Variants in SARS2 observed in about 807,000 individuals in gnomAD.
SARS2 encodes seryl-tRNA synthetase 2, mitochondrial, also known as serine--tRNA ligase, mitochondrial.
Under a neutral mutation model 66.8 loss-of-function variants are expected in SARS2, and 52 were observed. That is an observed-to-expected ratio of 0.78 (90% confidence interval 0.62 to 0.98). SARS2 has a LOEUF of 0.98. SARS2 is among the 50% of genes least tolerant of loss of function. The pLI is 0.00. For missense variants in SARS2, 673 were observed against 706.3 expected (o/e 0.95, Z 0.53); for synonymous variants, 306 against 281.4 (o/e 1.09, Z -0.87).
intron 12 of SARS2, among the ~76,000 whole-genome samples, chr19:38,917,008 G>C (rs1040814443): frequency 1.3e-5 from 2 of 150,630 alleles, no homozygotes; most frequent in African/African-American, 4.9e-5. Context: ...GTTGCCCCAG[G>C]CTAGAGTGCA....
chr19:38,917,580 T>C, intron 12 of SARS2, 144 bp downstream of exon 12: 5 of 714,302 alleles, frequency 7.0e-6, no homozygotes, highest in Non-Finnish European at 7.7e-6. Context: ...GGATCCTGTA[T>C]ATGCTCCTGT....
intron 8 of SARS2, 70 bp downstream of exon 8, chr19:38,918,696 C>A: frequency 6.5e-7 from 1 of 1,532,310 alleles, no homozygotes; most frequent in Non-Finnish European, 8.9e-7. Context: ...CCTCAGGTTT[C>A]CCTGCCTCGG....
In SARS2 at chr19:38,917,949, C is replaced by T; in HGVS notation, c.1022G>A (p.Gly341Glu). The T allele has an allele frequency of 6.2e-7, 1 of 1,609,340 alleles. No homozygotes were observed. The highest frequency in any genetic ancestry group is 8.5e-7 in the Non-Finnish European group (1 of 1,177,724). The change falls in exon 11 of 16, where the codon GGG becomes GAG. Residue 341 changes from glycine to glutamate, a missense_variant. Physicochemically the swap from Gly to Glu is moderately conservative, Grantham distance 98. Transcript: ENST00000221431. Reference sequence around the variant, plus strand: ...GGTGAAGTGGTGTACTCGATACAGCCCCCGGGGTTCCTGTCCCGTGTTTGT... The same window carrying T: ...GGTGAAGTGGTGTACTCGATACAGCTCCCGGGGTTCCTGTCCCGTGTTTGT... ...AETNTGQEPR[G>E]LYRVHHFTKV...
intron 1 of SARS2, chr19:38,928,350 C>G (rs925766052): frequency 6.6e-6 from 1 of 151,560 alleles, no homozygotes. Context: ...TGCACTCAGG[C>G]CTGGGCGACA....
At chr19:38,925,082 G>C (rs971665687) in intron 2 of SARS2, among the ~76,000 whole-genome samples, 1 of 152,346 alleles carries the variant, frequency 6.6e-6, no homozygotes, top group Admixed American at 6.5e-5. Context: ...GGGAGGCCAA[G>C]GCGGGTGGAT....
rs115226793 is a variant in SARS2 at position 38,918,739 on chromosome 19, C to T, written c.807+27G>A. 2,697 of 1,554,600 alleles carry T rather than the reference C, an allele frequency of 1.7e-3. 42 individuals carry two copies. The African/African-American group carries it at 0.033, about 19-fold the overall frequency. ...CGGCAGGGCCTGACACCCAGGTGGG[C>T]GAGGGAAGCGGAGAGGCCTCACTCA... On this transcript the variant is annotated intron_variant, in intron 8 of 15. Coordinates refer to ENST00000221431, the MANE Select transcript of SARS2 (RefSeq NM_017827.4).
intron 9 of SARS2, 117 bp downstream of exon 9, chr19:38,918,305 G>T: frequency 8.6e-7 from 1 of 1,160,320 alleles, no homozygotes; most frequent in Non-Finnish European, 1.3e-6. Context: ...CGTACATGTT[G>T]GCCCTGGGGC....
Position 38,918,135 on chromosome 19 carries a change from G to C in SARS2, c.921C>G (p.Tyr307Ter). The part of the protein sequence containing the change: ...AGTAEVGLAG[Y>*]FMDHTVAFRD... ...TGAAGGCCACGGTGTGGTCCATGAA[G>C]TAGCCTGGGAGGAGAGACCACAGGG... Residue 307 changes from tyrosine to a stop codon, truncating the protein, a stop_gained, in exon 10 of 16, where the codon TAC (tyrosine) becomes TAG (stop). Transcript: ENST00000221431. LOFTEE classifies it high-confidence loss of function. 1.9e-6 allele frequency: 3 copies of C among 1,597,560 alleles called. No homozygotes were observed. Among genetic ancestry groups the C allele is most frequent in the Non-Finnish European group, 2.6e-6 (3 of 1,172,378 alleles).
chr19:38,917,617 A>C, intron 12 of SARS2, 107 bp downstream of exon 12: 2 of 777,030 alleles, frequency 2.6e-6, no homozygotes, highest in Non-Finnish European at 4.5e-6. Context: ...AATGGGGGCA[A>C]CGAGGGGGCT....
intron 12 of SARS2, 85 bp from the exon 13 acceptor site, chr19:38,916,399 C>T: frequency 4.7e-6 from 6 of 1,265,040 alleles, no homozygotes; most frequent in South Asian, 2.5e-5. Flanking sequence ...GAAGAGAAGG[C>T]AGCCAAAAAG....
At position 38,921,633 on chromosome 19, in the gene SARS2, C is replaced by A. The variant is rs780832173; in HGVS notation, c.428G>T (p.Arg143Leu). 1 of 1,614,100 alleles carries A rather than the reference C, an allele frequency of 6.2e-7. No homozygotes were observed. The highest frequency in any genetic ancestry group is 1.3e-5 in the African/African-American group (1 of 74,938). ...PKYQGLRARGREIRKELVHLY... is the reference protein window; with the variant it reads ...PKYQGLRARGLEIRKELVHLY... ...GTGAACAAGCTCCTTCCGGATCTCC[C>A]GGCCACGTGCCCGCAGACCCTGGTA... The change falls in exon 4 of 16, where the codon CGG (arginine) becomes CTG (leucine). Residue 143 changes from arginine to leucine, a missense_variant. By Grantham distance (102) the Arg-to-Leu change is moderately radical. Transcript: ENST00000221431.
Position 38,921,668 on chromosome 19 carries a change from C to CT in SARS2, c.394-2dup. On this transcript the variant is annotated splice_acceptor_variant, in intron 3 of 15. Transcript: ENST00000221431. LOFTEE classifies it high-confidence loss of function. Reference sequence around the variant, plus strand: ...CCCGCAGACCCTGGTACTTGGGGTCCTGGGGGCAGCACAGGTGGGCTCAGC... The same window carrying CT: ...CCCGCAGACCCTGGTACTTGGGGTCCTTGGGGGCAGCACAGGTGGGCTCAGC... The CT allele has an allele frequency of 6.2e-7, 1 of 1,614,084 alleles. No individual in the cohort carries two copies. The highest frequency in any genetic ancestry group is 8.5e-7 in the Non-Finnish European group (1 of 1,179,994).
At chr19:38,921,500 C>T in intron 4 of SARS2, 27 bp downstream of exon 4, 2 of 1,614,194 alleles carry the variant, frequency 1.2e-6, no homozygotes, top group African/African-American at 1.3e-5. Flanking sequence ...GGCCCCTGGC[C>T]TCCCTGCCAC....
chr19:38,921,055 AC>A (rs1974523036), intron 5 of SARS2, among the ~76,000 whole-genome samples: 1 of 114,710 alleles, frequency 8.7e-6, no homozygotes, highest in Admixed American at 9.1e-5. Context: ...ACAGATACAG[AC>A]ACACACATAC....
intron 2 of SARS2, 24 bp from the exon 3 acceptor site, chr19:38,922,291 G>C (rs186037643): frequency 6.2e-7 from 1 of 1,613,638 alleles, no homozygotes; most frequent in Non-Finnish European, 8.5e-7. Flanking sequence ...GACAGGGTGG[G>C]TGATTAGGTT....
At chr19:38,929,051 T>C (rs1185910429) in intron 1 of SARS2, among the ~76,000 whole-genome samples, 1 of 150,078 alleles carries the variant, frequency 6.7e-6, no homozygotes. Context: ...ACCCCGTCTC[T>C]ACTAAAAATA....
intron 1 of SARS2, among the ~76,000 whole-genome samples, chr19:38,926,700 C>T (rs1040797319): frequency 1.3e-5 from 2 of 152,152 alleles, no homozygotes; most frequent in South Asian, 2.1e-4. Flanking sequence ...GCACGAGAAT[C>T]GCTTGAAACC....
intron 5 of SARS2, among the ~76,000 whole-genome samples, chr19:38,920,952 GAC>G (rs59221324): frequency 0.5 from 71,651 of 142,244 alleles, 17,698 homozygotes; most frequent in African/African-American, 0.61. Context: ...CACACACACA[GAC>G]ACAGACACAG....
rs1478280524 is a variant in SARS2, at chr19:38,917,827, T to A, written c.1057A>T (p.Met353Leu). The A allele has an allele frequency of 3.1e-6, 5 of 1,613,752 alleles. No individual in the cohort carries two copies. Among genetic ancestry groups the A allele is most frequent in the Non-Finnish European group, 4.2e-6 (5 of 1,179,898 alleles). ...AGCCCAGGGCCTGTCACCCCAAACATCTCCACCTGGGACAGAGGGCACAGG... is the reference window on the plus strand; with the variant it reads ...AGCCCAGGGCCTGTCACCCCAAACAACTCCACCTGGGACAGAGGGCACAGG... ...YRVHHFTKVE[M>L]FGVTGPGLEQ... The change falls in exon 12 of 16, where the codon ATG (methionine) becomes TTG (leucine). Residue 353 changes from methionine (M) to leucine (L), a missense_variant. Transcript: ENST00000221431.
Sources: gnomAD v4.1 joint callset for allele counts (sites outside exome capture counted in the v4.1 genomes callset) on GRCh38, gnomAD v4.1.1 for gene constraint, MANE v1.5 for transcripts, NCBI Gene and HGNC (gene_info 2026-07-23, HGNC 2026-07-21) for gene names.